The following RAB3C variants were observed in gnomAD, a reference collection of about 807,000 sequenced individuals.
RAB3C encodes the protein ras-related protein Rab-3C.
Under a neutral mutation model 26.4 loss-of-function variants are expected in RAB3C, and 17 were observed. That is an observed-to-expected ratio of 0.64 (90% CI 0.44 to 0.97). The LOEUF (loss-of-function observed/expected upper bound fraction) is 0.97. Among genes scored for constraint, RAB3C ranks in the 50% least tolerant of loss-of-function variants. The probability of loss-of-function intolerance (pLI) is 0.00; values close to 1 mark genes in which losing one functional copy is unlikely to be tolerated. For synonymous variants in RAB3C, 91 were observed against 95.9 expected (o/e 0.95, Z 0.30); for missense variants, 242 against 281.9 (o/e 0.86, Z 1.01).
intron 4 of RAB3C, chr5:58,846,789 G>C (rs1744015252): frequency 6.6e-6 from 1 of 151,844 alleles, no homozygotes; most frequent in African/African-American, 2.4e-5. Flanking sequence ...GCCTCTCTCT[G>C]CTTGCTCTTT....
chr5:58,791,373 G>A lies in RAB3C; in HGVS notation c.372-33665G>A, dbSNP rs115906081. 5.7e-3 allele frequency among the ~76,000 whole-genome samples: 863 copies of A among 152,272 alleles called. 13 individuals are homozygous for A. The highest frequency in any genetic ancestry group is 0.02 in the African/African-American group (815 of 41,548). On this transcript the variant is annotated intron_variant, in intron 3 of 4. Coordinates refer to ENST00000282878, the MANE Select transcript of RAB3C (RefSeq NM_138453.4). ...ATGGGAGAAGGGTGAATACACAGGA[G>A]AAATGTGGGCTCCGTTACAACATGA...
intron 2 of RAB3C, among the ~76,000 whole-genome samples, chr5:58,719,214 G>A (rs924825342): frequency 6.6e-6 from 1 of 151,816 alleles, no homozygotes. Context: ...CCTTCTAATA[G>A]GACATACATT....
At chr5:58,829,156 G>C (rs957185589) in intron 4 of RAB3C, among the ~76,000 whole-genome samples, 3 of 151,998 alleles carry the variant, frequency 2.0e-5, no homozygotes, top group African/African-American at 7.2e-5. Flanking sequence ...GCCCACCTCT[G>C]CCTCCCAAAG....
chr5:58,852,259 C>T lies in RAB3C; in HGVS notation c.*908C>T, dbSNP rs1744130441. ...TGCCTTCCCCAACCCCCATAATGCACACCACCACCACCATCACTTTCTGGA... is the reference window on the plus strand; with the variant it reads ...TGCCTTCCCCAACCCCCATAATGCATACCACCACCACCATCACTTTCTGGA... On this transcript the variant is annotated 3_prime_UTR_variant, in exon 5 of 5. Transcript: ENST00000282878. 1 of 152,126 alleles carries T rather than the reference C, an allele frequency of 6.6e-6. No individual in the cohort carries two copies. Among genetic ancestry groups the T allele is most frequent in the South Asian group, 2.1e-4 (1 of 4,820 alleles). 9.4% of individuals were successfully genotyped at this position (152,126 alleles called of 1,614,324 possible).
intron 2 of RAB3C, among the ~76,000 whole-genome samples, chr5:58,708,891 G>A (rs1156490918): frequency 6.6e-6 from 1 of 152,084 alleles, no homozygotes; most frequent in Non-Finnish European, 1.5e-5. Context: ...TGTATACATG[G>A]GTTTTATTTC....
intron 2 of RAB3C, among the ~76,000 whole-genome samples, chr5:58,696,706 T>C (rs1378272633): frequency 6.6e-6 from 1 of 152,158 alleles, no homozygotes; most frequent in East Asian, 1.9e-4. Flanking sequence ...AGTTTATTTG[T>C]GTAGAGATGT....
intron 2 of RAB3C, among the ~76,000 whole-genome samples, chr5:58,619,722 A>G (rs1410229828): frequency 6.6e-6 from 1 of 152,098 alleles, no homozygotes; most frequent in Non-Finnish European, 1.5e-5. Flanking sequence ...TAGGTTTTTG[A>G]CAGAAATTCT....
chr5:58,717,016 C>T (rs1749185953), intron 2 of RAB3C, among the ~76,000 whole-genome samples: 1 of 151,960 alleles, frequency 6.6e-6, no homozygotes, highest in African/African-American at 2.4e-5. Flanking sequence ...AAATGCACCA[C>T]TCGGGTGGGG....
chr5:58,609,721 T>G (rs140538192), intron 1 of RAB3C, among the ~76,000 whole-genome samples: 1 of 152,316 alleles, frequency 6.6e-6, no homozygotes, highest in African/African-American at 2.4e-5. Context: ...TGGCATACTA[T>G]TGTATACATT....
intron 2 of RAB3C, among the ~76,000 whole-genome samples, chr5:58,691,804 T>A (rs2111859861): frequency 6.6e-6 from 1 of 152,332 alleles, no homozygotes; most frequent in Middle Eastern, 3.4e-3. Context: ...ACCTGTGATG[T>A]CACTGAAAAA....
intron 3 of RAB3C, among the ~76,000 whole-genome samples, chr5:58,792,329 C>T (rs1742542376): frequency 6.6e-6 from 1 of 152,186 alleles, no homozygotes; most frequent in African/African-American, 2.4e-5. Flanking sequence ...CTAACAATAA[C>T]AGCCCTATGG....
chr5:58,835,229 T>A (rs926250671), intron 4 of RAB3C, among the ~76,000 whole-genome samples: 1 of 152,126 alleles, frequency 6.6e-6, no homozygotes, highest in African/African-American at 2.4e-5. Flanking sequence ...CTCTGGCAAA[T>A]CCCTATTTTA....
intron 3 of RAB3C, among the ~76,000 whole-genome samples, chr5:58,770,907 A>G (rs947471557): frequency 6.6e-6 from 1 of 152,192 alleles, no homozygotes; most frequent in African/African-American, 2.4e-5. Context: ...ACGTAAAAAC[A>G]TGTACATTAC....
intron 3 of RAB3C, among the ~76,000 whole-genome samples, chr5:58,783,683 C>T (rs952053778): frequency 1.3e-5 from 2 of 152,142 alleles, no homozygotes; most frequent in Admixed American, 1.3e-4. Context: ...CATGAAGGTG[C>T]TTATCCTACA....
At chr5:58,704,975 G>A (rs2111885989) in intron 2 of RAB3C, among the ~76,000 whole-genome samples, 1 of 152,188 alleles carries the variant, frequency 6.6e-6, no homozygotes, top group East Asian at 1.9e-4. Flanking sequence ...TAAAATTTAT[G>A]AATGGTAGAT....
intron 2 of RAB3C, among the ~76,000 whole-genome samples, chr5:58,675,834 C>T (rs73100326): frequency 1.8e-4 from 28 of 152,194 alleles, no homozygotes; most frequent in African/African-American, 6.5e-4. Context: ...TCATTTCCTA[C>T]TCATTGACTC....
intron 2 of RAB3C, among the ~76,000 whole-genome samples, chr5:58,624,432 T>C (rs1747010685): frequency 6.6e-6 from 1 of 152,130 alleles, no homozygotes; most frequent in Admixed American, 6.5e-5. Context: ...TGAGCAGAGG[T>C]GGATTGATAC....
intron 3 of RAB3C, among the ~76,000 whole-genome samples, chr5:58,798,089 T>C (rs1279682594): frequency 9.8e-6 from 1 of 102,562 alleles, no homozygotes; most frequent in Non-Finnish European, 2.5e-5. Context: ...CAGAACATAC[T>C]TGGCGGGGGG....
intron 2 of RAB3C, among the ~76,000 whole-genome samples, chr5:58,654,327 G>A (rs1747718593): frequency 6.6e-6 from 1 of 151,918 alleles, no homozygotes. Flanking sequence ...TTTCCAAAGA[G>A]CTTAGCAAGT....
Sources: gnomAD v4.1 joint callset for allele counts (sites outside exome capture counted in the v4.1 genomes callset) on GRCh38, gnomAD v4.1.1 for gene constraint, MANE v1.5 for transcripts, NCBI Gene and HGNC (gene_info 2026-07-23, HGNC 2026-07-21) for gene names.